Variants in RNASE4 observed in about 807,000 individuals in gnomAD.
RNASE4 encodes ribonuclease 4.
For synonymous variants in RNASE4, 93 were observed against 71.4 expected (o/e 1.30, Z -1.52); for missense variants, 194 against 192.8 (o/e 1.01, Z -0.04).
At chr14:20,694,009 C>A in intron 1 of RNASE4, 1 of 1,614,132 alleles carries the variant, frequency 6.2e-7, no homozygotes, top group Non-Finnish European at 8.5e-7. Flanking sequence ...TCGTCCGTAA[C>A]CAGCGGGCCC....
At chr14:20,684,785 C>T (rs34282815) in intron 1 of RNASE4, 27 bp downstream of exon 1, 4,162 of 153,630 alleles carry the variant, frequency 0.027, 85 homozygotes, top group Non-Finnish European at 0.045. Flanking sequence ...GCTCCTCCTC[C>T]TCCTCTCTGG....
intron 1 of RNASE4, among the ~76,000 whole-genome samples, chr14:20,691,989 A>T (rs1566600963): frequency 6.6e-6 from 1 of 152,218 alleles, no homozygotes; most frequent in Non-Finnish European, 1.5e-5. Context: ...TGTGAACAGC[A>T]ATATCCCCAC....
chr14:20,692,865 C>T (rs1401365188), intron 1 of RNASE4, among the ~76,000 whole-genome samples: 1 of 151,758 alleles, frequency 6.6e-6, no homozygotes, highest in African/African-American at 2.4e-5. Context: ...TATTTTTTTC[C>T]GAGACGGAGT....
chr14:20,697,163 C>A (rs1351967213), intron 1 of RNASE4, among the ~76,000 whole-genome samples: 1 of 152,198 alleles, frequency 6.6e-6, no homozygotes, highest in Non-Finnish European at 1.5e-5. Context: ...CCTGGGTCTG[C>A]TCTCGCATGC....
Position 20,700,027 on chromosome 14 carries a change from G to T in RNASE4, c.*212G>T. On this transcript the variant is annotated 3_prime_UTR_variant, in exon 2 of 2. Coordinates refer to ENST00000555835, the MANE Select transcript of RNASE4 (RefSeq NM_002937.5). ...ATGAGGCTGGGCTTTTCTGTAATAA[G>T]CTTCCTTTTATAATACTGGTCAGCT... 1.7e-6 allele frequency: 1 copy of T among 573,996 alleles called. No homozygotes were observed. The highest frequency in any genetic ancestry group is 2.9e-5 in the East Asian group (1 of 34,048). 35.6% of individuals were successfully genotyped at this position (573,996 alleles called of 1,614,324 possible).
chr14:20,699,080 C>T (rs1030357342), intron 1 of RNASE4: 7 of 309,444 alleles, frequency 2.3e-5, no homozygotes, highest in South Asian at 8.2e-5. Flanking sequence ...CTGGCAGCCA[C>T]GCAGTCAGTC....
chr14:20,694,008 A>G (rs1886971522), intron 1 of RNASE4: 1 of 1,613,976 alleles, frequency 6.2e-7, no homozygotes, highest in Admixed American at 1.7e-5. Flanking sequence ...GTCGTCCGTA[A>G]CCAGCGGGCC....
chr14:20,693,411 G>A (rs1886906162), intron 1 of RNASE4: 5 of 1,183,812 alleles, frequency 4.2e-6, no homozygotes, highest in East Asian at 2.4e-5. Flanking sequence ...ATGAGGAAGG[G>A]AAAATAGAAT....
In RNASE4 at chr14:20,699,914, C is replaced by T. The variant is rs1423964811; in HGVS notation, c.*99C>T. 7.1e-6 allele frequency: 7 copies of T among 992,404 alleles called. No homozygotes were observed. The highest frequency in any genetic ancestry group is 3.2e-5 in the African/African-American group (2 of 62,050). The allele number at this position is 992,404 out of a possible 1,614,324, so 61.5% of individuals were successfully genotyped here. ...TGAGCTGTCCCAGGCTCTGTCTCCT[C>T]AGCTCATTTCCTACTCTTTTTCTCT... On this transcript the variant is annotated 3_prime_UTR_variant, in exon 2 of 2. Transcript: ENST00000555835.
chr14:20,695,446 C>A (rs1887058230), intron 1 of RNASE4, among the ~76,000 whole-genome samples: 1 of 150,012 alleles, frequency 6.7e-6, no homozygotes, highest in Admixed American at 6.6e-5. Context: ...ATCCCTTATT[C>A]TTCCTCAATT....
At position 20,699,419 on chromosome 14, in the gene RNASE4, C is replaced by T. The variant is rs1220454622; in HGVS notation, c.48C>T (p.Thr16=). 4 of 1,609,250 alleles carry T rather than the reference C, an allele frequency of 2.5e-6. No individual in the cohort carries two copies. The highest frequency in any genetic ancestry group is 1.3e-5 in the African/African-American group (1 of 74,816). The stretch of plus-strand genomic sequence containing the variant: ...CATTGCTTCTGCTTTTGCTGCTGAC[C>T]CTGCTGGGGCTGGGGCTGGTCCAGC... ...THSLLLLLLL[T]LLGLGLVQPS... The change falls in exon 2 of 2, where the codon ACC becomes ACT. Residue 16 remains threonine, a synonymous_variant. Transcript: ENST00000555835.
chr14:20,693,465 C>G, intron 1 of RNASE4: 3 of 1,562,278 alleles, frequency 1.9e-6, no homozygotes, highest in Non-Finnish European at 1.7e-6. Context: ...GATGCCGTGT[C>G]AGAGAGCAAA....
intron 1 of RNASE4, among the ~76,000 whole-genome samples, chr14:20,694,934 C>T (rs1036045821): frequency 3.3e-5 from 5 of 152,128 alleles, no homozygotes; most frequent in African/African-American, 1.2e-4. Context: ...TCAGGGTAGC[C>T]ACCTTTTGTC....
chr14:20,699,463 G>T lies in RNASE4; in HGVS notation c.92G>T (p.Gly31Val), dbSNP rs1409767661. The change falls in exon 2 of 2, where the codon GGC becomes GTC. Residue 31 changes from glycine (G) to valine (V), a missense_variant. Physicochemically the swap from Gly to Val is moderately radical, Grantham distance 109. Transcript: ENST00000555835. Reference sequence around the variant, plus strand: ...GTCCAGCCCTCCTATGGCCAGGATGGCATGTACCAGCGATTCCTGCGGCAA... The same window carrying T: ...GTCCAGCCCTCCTATGGCCAGGATGTCATGTACCAGCGATTCCTGCGGCAA... ...GLVQPSYGQDGMYQRFLRQHV... is the reference protein window; with the variant it reads ...GLVQPSYGQDVMYQRFLRQHV... 2 of 1,613,954 alleles carry T rather than the reference G, an allele frequency of 1.2e-6. No homozygotes were observed. Among genetic ancestry groups the T allele is most frequent in the Admixed American group, 1.7e-5 (1 of 60,028 alleles).
Position 20,700,637 on chromosome 14 carries a change from T to G in RNASE4, c.*822T>G, listed in dbSNP as rs4982335. The stretch of plus-strand genomic sequence containing the variant: ...ATGGTATTATTTTTTTTCTCTGACT[T>G]TTAAATTCTTGTTTAGTTTATAAAC... On this transcript the variant is annotated 3_prime_UTR_variant, in exon 2 of 2. Coordinates refer to ENST00000555835, the MANE Select transcript of RNASE4 (RefSeq NM_002937.5). 0.21 allele frequency: 35,611 copies of G among 166,970 alleles called. 4,423 individuals are homozygous for G. Among genetic ancestry groups the G allele is most frequent in the East Asian group, 0.47 (2,429 of 5,184 alleles). 10.3% of individuals were successfully genotyped at this position (166,970 alleles called of 1,614,324 possible).
intron 1 of RNASE4, among the ~76,000 whole-genome samples, chr14:20,693,052 G>A (rs7143619): frequency 6.6e-6 from 1 of 150,582 alleles, no homozygotes; most frequent in Non-Finnish European, 1.5e-5. Flanking sequence ...TTTCACCGTG[G>A]TAGCCAGGAT....
At chr14:20,692,903 A>G (rs1404226155) in intron 1 of RNASE4, among the ~76,000 whole-genome samples, 2 of 152,004 alleles carry the variant, frequency 1.3e-5, no homozygotes, top group African/African-American at 4.8e-5. Flanking sequence ...GCTGGAGTGC[A>G]GTGGCGCGAT....
chr14:20,695,369 T>G (rs1887052301), intron 1 of RNASE4, among the ~76,000 whole-genome samples: 1 of 141,114 alleles, frequency 7.1e-6, no homozygotes, highest in Non-Finnish European at 1.5e-5. Flanking sequence ...CACTCCAGCC[T>G]GGGCGACAGA....
At chr14:20,692,918 G>A (rs1490314771) in intron 1 of RNASE4, among the ~76,000 whole-genome samples, 2 of 152,050 alleles carry the variant, frequency 1.3e-5, no homozygotes, top group African/African-American at 2.4e-5. Flanking sequence ...CGCGATCTCG[G>A]CTCACTGCAA....
Sources: allele counts gnomAD v4.1 joint callset (sites outside exome capture counted in the v4.1 genomes callset), GRCh38; gene constraint gnomAD v4.1.1; transcripts MANE v1.5; gene names NCBI Gene and HGNC (gene_info 2026-07-23, HGNC 2026-07-21).